Variants in GRIK1 observed in about 807,000 individuals in gnomAD.
GRIK1 encodes glutamate receptor ionotropic, kainate 1.
A neutral mutation model predicts 105.7 loss-of-function variants in GRIK1; 69 were observed. The observed-to-expected ratio is 0.65, with a 90% CI of 0.54 to 0.80. The LOEUF is 0.80. Among genes scored for constraint, GRIK1 ranks in the 30% least tolerant of loss-of-function variants. GRIK1 has a pLI of 0.00. For missense variants in GRIK1, 1,109 were observed against 1,167.3 expected (o/e 0.95, Z 0.73); for synonymous variants, 438 against 431.3 (o/e 1.02, Z -0.19).
intron 7 of GRIK1, among the ~76,000 whole-genome samples, chr21:29,629,650 C>A (rs138744929): frequency 6.6e-6 from 1 of 151,990 alleles, no homozygotes; most frequent in South Asian, 2.1e-4. Flanking sequence ...CCACCACGCC[C>A]GGCTAATTTT....
intron 10 of GRIK1, among the ~76,000 whole-genome samples, chr21:29,590,602 C>G (rs898458959): frequency 2.0e-5 from 3 of 152,184 alleles, no homozygotes; most frequent in African/African-American, 4.8e-5. Flanking sequence ...ACCTGCACCA[C>G]CCAGGGCTGA....
chr21:29,795,001 C>A (rs2066517432), intron 1 of GRIK1, among the ~76,000 whole-genome samples: 1 of 150,768 alleles, frequency 6.6e-6, no homozygotes, highest in Admixed American at 6.6e-5. Flanking sequence ...TCAGGAAGCT[C>A]CCAAGCTTCC....
chr21:29,629,800 A>G (rs1039177496), intron 7 of GRIK1, among the ~76,000 whole-genome samples: 11 of 152,166 alleles, frequency 7.2e-5, no homozygotes, highest in African/African-American at 2.7e-4. Context: ...ATTTTCTCAC[A>G]TAAGTTGGCA....
At chr21:29,858,118 C>G (rs533521103) in intron 1 of GRIK1, among the ~76,000 whole-genome samples, 4 of 152,108 alleles carry the variant, frequency 2.6e-5, no homozygotes, top group Non-Finnish European at 5.9e-5. Flanking sequence ...CAGCTGGTCT[C>G]GAACTCCCGG....
At chr21:29,922,819 T>A (rs887349378) in intron 1 of GRIK1, among the ~76,000 whole-genome samples, 5 of 152,198 alleles carry the variant, frequency 3.3e-5, no homozygotes, top group African/African-American at 1.2e-4. Flanking sequence ...TTACTTTTTT[T>A]AGCAGACTTT....
chr21:29,634,016 A>T (rs2062342070), intron 7 of GRIK1, among the ~76,000 whole-genome samples: 1 of 152,212 alleles, frequency 6.6e-6, no homozygotes, highest in Admixed American at 6.5e-5. Flanking sequence ...AAGACACAGT[A>T]GGATAAAAAT....
intron 1 of GRIK1, among the ~76,000 whole-genome samples, chr21:29,880,325 A>G (rs1409961315): frequency 6.6e-6 from 1 of 152,096 alleles, no homozygotes; most frequent in East Asian, 1.9e-4. Flanking sequence ...GAATGATTTC[A>G]TTTTTCTGCC....
intron 3 of GRIK1, among the ~76,000 whole-genome samples, chr21:29,689,217 A>G (rs1422113783): frequency 2.6e-5 from 4 of 152,162 alleles, no homozygotes; most frequent in African/African-American, 7.2e-5. Flanking sequence ...GAACAAGCAC[A>G]TGGAGCAAGC....
intron 1 of GRIK1, among the ~76,000 whole-genome samples, chr21:29,778,341 AT>A (rs1048703493): frequency 7.9e-5 from 12 of 152,172 alleles, no homozygotes; most frequent in Non-Finnish European, 1.5e-5. Context: ...CATTTTTCCA[AT>A]TTTTGCAAAA....
At chr21:29,680,162 T>G (rs758273058) in intron 3 of GRIK1, among the ~76,000 whole-genome samples, 1 of 152,182 alleles carries the variant, frequency 6.6e-6, no homozygotes. Flanking sequence ...GTGAAACTAA[T>G]AGATAAAATG....
At chr21:29,659,402 T>A (rs1410498297) in intron 4 of GRIK1, among the ~76,000 whole-genome samples, 2 of 152,170 alleles carry the variant, frequency 1.3e-5, no homozygotes, top group Non-Finnish European at 2.9e-5. Flanking sequence ...TAATCTACAT[T>A]GTTACAGAAT....
At chr21:29,754,820 C>T (rs1217657089) in intron 1 of GRIK1, among the ~76,000 whole-genome samples, 1 of 152,106 alleles carries the variant, frequency 6.6e-6, no homozygotes, top group Non-Finnish European at 1.5e-5. Flanking sequence ...GGAAATTCTC[C>T]CTGTGGACTG....
At chr21:29,671,226 G>C (rs2063153721) in intron 4 of GRIK1, among the ~76,000 whole-genome samples, 1 of 151,738 alleles carries the variant, frequency 6.6e-6, no homozygotes, top group Admixed American at 6.6e-5. Flanking sequence ...AGGTTCAAGT[G>C]ATTCTCCTGC....
chr21:29,683,307 C>T (rs1288447832), intron 3 of GRIK1, among the ~76,000 whole-genome samples: 2 of 152,096 alleles, frequency 1.3e-5, no homozygotes, highest in Admixed American at 6.5e-5. Flanking sequence ...ATCATTCTTC[C>T]AAAAAACCCA....
intron 1 of GRIK1, among the ~76,000 whole-genome samples, chr21:29,725,036 C>T (rs905498298): frequency 4.0e-5 from 6 of 149,760 alleles, no homozygotes; most frequent in Admixed American, 4.0e-4. Flanking sequence ...AGAAACTCTA[C>T]TGCCACATGG....
intron 1 of GRIK1, among the ~76,000 whole-genome samples, chr21:29,930,181 C>T (rs532871344): frequency 4.6e-5 from 7 of 152,222 alleles, no homozygotes; most frequent in East Asian, 1.9e-4. Flanking sequence ...AAAGGAACAG[C>T]GCTACCCAGA....
At chr21:29,706,085 G>A (rs964018916) in intron 1 of GRIK1, among the ~76,000 whole-genome samples, 2 of 152,000 alleles carry the variant, frequency 1.3e-5, no homozygotes, top group African/African-American at 2.4e-5. Context: ...TGTTGGCCAG[G>A]CTGGTCTCAA....
Position 29,561,642 on chromosome 21 carries a change from C to A in GRIK1, c.2338G>T (p.Gly780Ter). The A allele has an allele frequency of 6.2e-7, 1 of 1,611,142 alleles. No homozygotes were observed. The highest frequency in any genetic ancestry group is 8.5e-7 in the Non-Finnish European group (1 of 1,177,300). ...GTCTTACCAATAGGTGTTCCCACTC[C>A]GTAACCTTTGGAGTCAATGAGGCCC... Reference protein sequence around the residue: ...IGGLIDSKGYGVGTPIGSPYR... With the variant: ...IGGLIDSKGY Residue 780 changes from glycine (G) to a stop codon, truncating the protein, a stop_gained, in exon 15 of 18, where the codon GGA (glycine) becomes TGA (stop). Coordinates refer to ENST00000327783, the MANE Select transcript of GRIK1 (RefSeq NM_001330994.2). LOFTEE classifies it high-confidence loss of function.
intron 9 of GRIK1, among the ~76,000 whole-genome samples, chr21:29,593,195 G>C (rs931173879): frequency 6.6e-6 from 1 of 152,144 alleles, no homozygotes; most frequent in East Asian, 1.9e-4. Context: ...AAAGAGACAG[G>C]TATAGGTAAA....
Sources: gnomAD v4.1 joint callset for allele counts (sites outside exome capture counted in the v4.1 genomes callset) on GRCh38, gnomAD v4.1.1 for gene constraint, MANE v1.5 for transcripts, NCBI Gene and HGNC (gene_info 2026-07-23, HGNC 2026-07-21) for gene names.